Variants in SH3BP2 observed in about 807,000 individuals in gnomAD.
The protein encoded by SH3BP2 is SH3 domain-binding protein 2.
A neutral mutation model predicts 56.2 loss-of-function variants in SH3BP2; 38 were observed. That is an observed-to-expected ratio of 0.68 (90% CI 0.52 to 0.89). The LOEUF is 0.89. SH3BP2 is among the 40% of genes least tolerant of loss of function. The probability of loss-of-function intolerance (pLI) is 0.00; values close to 1 mark genes in which losing one functional copy is unlikely to be tolerated. For missense variants in SH3BP2, 748 were observed against 762.6 expected, an observed-to-expected ratio of 0.98 and a Z score of 0.23; for synonymous variants, 346 against 316.7, an observed-to-expected ratio of 1.09 and a Z score of -0.98.
intron 1 of SH3BP2, chr4:2,793,810 CAG>C (rs1322518897): frequency 2.0e-5 from 3 of 152,296 alleles, no homozygotes; most frequent in African/African-American, 4.8e-5. Context: ...CAGGGAATCT[CAG>C]GGGTGGCAGA....
chr4:2,834,030 G>A lies in SH3BP2; in HGVS notation c.*196G>A. 1 of 642,658 alleles carries A rather than the reference G, an allele frequency of 1.6e-6. No homozygotes were observed. The highest frequency in any genetic ancestry group is 2.6e-6 in the Non-Finnish European group (1 of 377,860). 39.8% of individuals were successfully genotyped at this position (642,658 alleles called of 1,614,324 possible). On this transcript the variant is annotated 3_prime_UTR_variant, in exon 13 of 13. Transcript: ENST00000503393. ...GTTCTAGGGCTGAACCAGGCGCCAG[G>A]CTCCAGAGGACGAAGGGACTCTGTT...
chr4:2,815,295 G>A (rs1462328045), intron 1 of SH3BP2, among the ~76,000 whole-genome samples: 1 of 152,160 alleles, frequency 6.6e-6, no homozygotes, highest in East Asian at 1.9e-4. Flanking sequence ...CCCTTGAATG[G>A]CCCCTCCTCT....
In SH3BP2 at chr4:2,803,314, C is replaced by T. The variant is rs574249830; in HGVS notation, c.-5+10176C>T. 2.2e-3 allele frequency among the ~76,000 whole-genome samples: 331 copies of T among 152,338 alleles called. 4 individuals are homozygous for T. The highest frequency in any genetic ancestry group is 7.6e-3 in the African/African-American group (314 of 41,576). ...ACTGCATGCCACCCCAGCAGGAGCCCCAGGGCCTCGGCATCTCCACTCTGT... is the reference window on the plus strand; with the variant it reads ...ACTGCATGCCACCCCAGCAGGAGCCTCAGGGCCTCGGCATCTCCACTCTGT... On this transcript the variant is annotated intron_variant, in intron 1 of 12. Coordinates refer to ENST00000503393, the MANE Select transcript of SH3BP2 (RefSeq NM_001122681.2).
intron 1 of SH3BP2, among the ~76,000 whole-genome samples, chr4:2,797,140 C>T (rs1045937906): frequency 1.3e-5 from 2 of 152,166 alleles, no homozygotes; most frequent in Non-Finnish European, 2.9e-5. Context: ...TTTGAGGGTC[C>T]TGGGTCCCCA....
intron 1 of SH3BP2, among the ~76,000 whole-genome samples, chr4:2,800,083 C>T (rs771994267): frequency 1.3e-4 from 19 of 151,906 alleles, no homozygotes; most frequent in South Asian, 4.1e-4. Flanking sequence ...GTGGGTTCGT[C>T]GAGGCTGCAG....
chr4:2,802,699 AT>A (rs1472727920), intron 1 of SH3BP2, among the ~76,000 whole-genome samples: 1 of 137,880 alleles, frequency 7.3e-6, no homozygotes, highest in Non-Finnish European at 1.5e-5. Flanking sequence ...ATATGTATGT[AT>A]GTATATCTAT....
rs743694 is a variant in SH3BP2, at chr4:2,810,114, C to T, written c.-4-10500C>T. Among the ~76,000 whole-genome samples, 8,924 of 152,198 alleles carry T rather than the reference C, an allele frequency of 0.059. 324 individuals carry two copies. Among genetic ancestry groups the T allele is most frequent in the South Asian group, 0.11 (521 of 4,826 alleles). On this transcript the variant is annotated intron_variant, in intron 1 of 12. Coordinates refer to ENST00000503393, the MANE Select transcript of SH3BP2 (RefSeq NM_001122681.2). The surrounding 1 kb of genome is among the most constrained non-coding windows in gnomAD (Gnocchi z 4.2). ...GAATATGAACGGCAGTGTCATATGC[C>T]GCAGGGATGAAGAGGAATTGAGAGA...
chr4:2,806,454 G>T (rs868483274), intron 1 of SH3BP2, among the ~76,000 whole-genome samples: 1 of 152,206 alleles, frequency 6.6e-6, no homozygotes, highest in Non-Finnish European at 1.5e-5. Context: ...GTAGAAACTC[G>T]TCAGTGTTTG....
In SH3BP2 at chr4:2,829,600, G is replaced by A. The variant is rs868684244; in HGVS notation, c.694G>A (p.Gly232Ser). 25 of 1,609,300 alleles carry A rather than the reference G, an allele frequency of 1.6e-5. No individual in the cohort carries two copies. In the Middle Eastern group the frequency reaches 4.9e-4, roughly 32 times the overall value. ...RAHSFTSKGP[G>S]PLLPPPPPKH... ...CCACTCCTTTACCTCCAAGGGCCCC[G>A]GTCCCCTACTGCCACCCCCGCCCCC... Residue 232 changes from glycine to serine, a missense_variant, in exon 8 of 13, where the codon GGT becomes AGT. Physicochemically the swap from Gly to Ser is moderately conservative, Grantham distance 56. Coordinates refer to ENST00000503393, the MANE Select transcript of SH3BP2 (RefSeq NM_001122681.2). The surrounding 1 kb of genome is among the most constrained non-coding windows in gnomAD (Gnocchi z 4.9).
intron 12 of SH3BP2, chr4:2,833,383 C>T: frequency 3.5e-6 from 2 of 571,494 alleles, no homozygotes; most frequent in South Asian, 2.0e-5. Flanking sequence ...AAGCAATCCT[C>T]CCACCTCGGC....
rs762997491 is a variant in SH3BP2 at position 2,829,540 on chromosome 4, C to A, written c.634C>A (p.Pro212Thr). 6.2e-7 allele frequency: 1 copy of A among 1,613,620 alleles called. No homozygotes were observed. Among genetic ancestry groups the A allele is most frequent in the South Asian group, 1.1e-5 (1 of 91,074 alleles). The change falls in exon 8 of 13, where the codon CCC (proline) becomes ACC (threonine). Residue 212 changes from proline (P) to threonine (T), a missense_variant. Around this residue, in one of 3 missense-constraint regions of SH3BP2, gnomAD observed 635 missense variants for 615.0 expected, o/e 1.03. Coordinates refer to ENST00000503393, the MANE Select transcript of SH3BP2 (RefSeq NM_001122681.2). The surrounding 1 kb of genome is among the most constrained non-coding windows in gnomAD (Gnocchi z 4.9). ...PAYPPPPVPT[P>T]RKPAFSDMPR... ...TTACCCACCACCCCCAGTGCCCACG[C>A]CCAGGAAGCCAGCCTTCTCTGACAT...
At position 2,840,253 on chromosome 4, in the gene SH3BP2, A is replaced by AC. The variant is rs1177864611; in HGVS notation, c.*6419_*6420insC. The AC allele has an allele frequency of 1.3e-5, 2 of 151,436 alleles. No individual in the cohort carries two copies. The highest frequency in any genetic ancestry group is 3.9e-4 in the East Asian group (2 of 5,184). 9.4% of individuals were successfully genotyped at this position (151,436 alleles called of 1,614,324 possible). On this transcript the variant is annotated 3_prime_UTR_variant, in exon 13 of 13. Coordinates refer to ENST00000503393, the MANE Select transcript of SH3BP2 (RefSeq NM_001122681.2). ...AAAAACCAAAAAAAAAAAAAAAAAA[A>AC]AGAAAACCACTGAAATTATTTCCAC...
chr4:2,833,635 T>C (rs1234529734), intron 12 of SH3BP2, 62 bp from the exon 13 acceptor site: 58 of 1,568,302 alleles, frequency 3.7e-5, no homozygotes, highest in Non-Finnish European at 4.3e-5. Context: ...ACGGGGAGAC[T>C]GAGGCCTAGA....
intron 12 of SH3BP2, 92 bp downstream of exon 12, chr4:2,833,141 A>G (rs1725089194): frequency 3.5e-6 from 4 of 1,142,328 alleles, no homozygotes; most frequent in East Asian, 2.3e-5. Flanking sequence ...GGCAGCGGGT[A>G]GACTGAGACT....
At chr4:2,813,778 A>T (rs887133071) in intron 1 of SH3BP2, among the ~76,000 whole-genome samples, 4 of 152,148 alleles carry the variant, frequency 2.6e-5, no homozygotes, top group Admixed American at 6.5e-5. Context: ...TGAGTGCATG[A>T]GTGTGTATGA....
rs373129443 is a variant in SH3BP2 at position 2,831,894 on chromosome 4, T to C, written c.1351-29T>C. On this transcript the variant is annotated intron_variant, in intron 9 of 12. Coordinates refer to ENST00000503393, the MANE Select transcript of SH3BP2 (RefSeq NM_001122681.2). This position sits in a 1 kb window ranked among gnomAD's most constrained non-coding sequence, Gnocchi z 4.1. ...GTGGTGCGGGTGGATCACTCCGACG[T>C]TGGCACTGACACCGTCAGCCTCTTG... The C allele has an allele frequency of 7.5e-5, 121 of 1,610,644 alleles. No homozygotes were observed. The African/African-American group carries it at 1.6e-3, about 21-fold the overall frequency.
intron 1 of SH3BP2, chr4:2,799,413 T>TG (rs1343208612): frequency 2.2e-6 from 1 of 453,484 alleles, no homozygotes; most frequent in East Asian, 1.5e-4. Context: ...GTTTGCTACT[T>TG]GGGGCAGGGG....
At position 2,820,650 on chromosome 4, in the gene SH3BP2, T is replaced by A; in HGVS notation, c.33T>A (p.Pro11=). MAAEEMHWPV[P]MKAIGAQNLL... Reference sequence around the variant, plus strand: ...CTGAAGAGATGCATTGGCCTGTCCCTATGAAGGCCATTGGTGCCCAGAACC... The same window carrying A: ...CTGAAGAGATGCATTGGCCTGTCCCAATGAAGGCCATTGGTGCCCAGAACC... The change falls in exon 2 of 13, where the codon CCT becomes CCA. Residue 11 remains proline, a synonymous_variant. Coordinates refer to ENST00000503393, the MANE Select transcript of SH3BP2 (RefSeq NM_001122681.2). The A allele has an allele frequency of 6.2e-7, 1 of 1,614,154 alleles. No individual in the cohort carries two copies. Among genetic ancestry groups the A allele is most frequent in the Non-Finnish European group, 8.5e-7 (1 of 1,179,978 alleles).
rs561275337 is a variant in SH3BP2, at chr4:2,811,248, G to A, written c.-4-9366G>A. Among the ~76,000 whole-genome samples, 33 of 152,340 alleles carry A rather than the reference G, an allele frequency of 2.2e-4. 1 individual carries two copies. Among genetic ancestry groups the A allele is most frequent in the African/African-American group, 7.2e-4 (30 of 41,572 alleles). ...GGGACAGCTTGGGACCTGCACAGCC[G>A]GTTACGGGGCTGGGGTCCAGGGTTT... On this transcript the variant is annotated intron_variant, in intron 1 of 12. Transcript: ENST00000503393.
Sources: allele counts gnomAD v4.1 joint callset (sites outside exome capture counted in the v4.1 genomes callset), GRCh38; gene constraint gnomAD v4.1.1; regional missense constraint gnomAD v4.1.1; non-coding constraint Gnocchi (gnomAD v3.1); transcripts MANE v1.5; gene names NCBI Gene and HGNC (gene_info 2026-07-23, HGNC 2026-07-21).